Variants in HMCN1 observed in about 807,000 individuals in gnomAD.
The protein encoded by HMCN1 is hemicentin 1, also known as hemicentin-1.
In HMCN1, 321 loss-of-function variants were observed where a neutral mutation model predicts 625.9. The ratio of observed to expected loss-of-function variants is 0.51; its 90% CI spans 0.47 to 0.56. The LOEUF is 0.56. Among genes scored for constraint, HMCN1 ranks in the 20% least tolerant of loss-of-function variants. The probability of loss-of-function intolerance (pLI) is 0.00; values close to 1 mark genes in which losing one functional copy is unlikely to be tolerated. For missense variants in HMCN1, 6,588 were observed against 6,887.3 expected, an observed-to-expected ratio of 0.96 and a Z score of 1.54; for synonymous variants, 2,425 against 2,417.6, an observed-to-expected ratio of 1.00 and a Z score of -0.09.
intron 4 of HMCN1, among the ~76,000 whole-genome samples, chr1:185,904,938 G>A (rs1666015298): frequency 6.6e-6 from 1 of 151,752 alleles, no homozygotes; most frequent in Admixed American, 6.6e-5. Flanking sequence ...TCTATCCAGT[G>A]TGACTGAGAA....
At chr1:186,106,127 G>A (rs1660595902) in intron 69 of HMCN1, among the ~76,000 whole-genome samples, 2 of 152,162 alleles carry the variant, frequency 1.3e-5, no homozygotes, top group African/African-American at 4.8e-5. Flanking sequence ...TTCTGGGAAT[G>A]TTCAAGTAGT....
At chr1:186,048,639 G>C in intron 41 of HMCN1, 104 bp from the exon 42 acceptor site, 1 of 750,204 alleles carries the variant, frequency 1.3e-6, no homozygotes, top group Non-Finnish European at 2.3e-6. Context: ...TTATATGTAT[G>C]TGAATCTTCA....
intron 1 of HMCN1, among the ~76,000 whole-genome samples, chr1:185,832,705 G>A (rs1328392569): frequency 6.6e-6 from 1 of 152,090 alleles, no homozygotes; most frequent in African/African-American, 2.4e-5. Flanking sequence ...ACTTTAGAGG[G>A]AAGAAGGCTT....
intron 15 of HMCN1, among the ~76,000 whole-genome samples, chr1:185,977,210 C>T (rs563640518): frequency 2.4e-4 from 37 of 151,988 alleles, no homozygotes; most frequent in African/African-American, 8.2e-4. Flanking sequence ...TACTTTGATT[C>T]GTATTATTTA....
chr1:186,065,341 T>A lies in HMCN1; in HGVS notation c.7617T>A (p.Asn2539Lys), dbSNP rs767702278. 26 of 1,612,434 alleles carry A rather than the reference T, an allele frequency of 1.6e-5. No individual in the cohort carries two copies. Among genetic ancestry groups the A allele is most frequent in the Non-Finnish European group, 2.1e-5 (25 of 1,179,620 alleles). Residue 2539 changes from asparagine to lysine, a missense_variant, in exon 49 of 107, where the codon AAT (asparagine) becomes AAA (lysine). Asn to Lys is a moderately conservative substitution (Grantham distance 94). Transcript: ENST00000271588. ...GTGGCCGTTTTCTTCAAATTACCAA[T>A]GTCCAGGTGCCACACACTGGAAGAT... The part of the protein sequence containing the change: ...ISGGRFLQIT[N>K]VQVPHTGRYT...
intron 97 of HMCN1, among the ~76,000 whole-genome samples, chr1:186,161,017 G>A (rs1159530455): frequency 6.6e-6 from 1 of 152,134 alleles, no homozygotes; most frequent in East Asian, 1.9e-4. Flanking sequence ...TGTTTACAGG[G>A]GGTGTTAAAG....
chr1:186,033,093 C>CA (rs1247418966), intron 36 of HMCN1, among the ~76,000 whole-genome samples: 2 of 151,696 alleles, frequency 1.3e-5, no homozygotes, highest in Admixed American at 6.6e-5. Context: ...CACACACACA[C>CA]ACCATGGAAT....
chr1:185,941,102 G>A (rs149833933), intron 11 of HMCN1, among the ~76,000 whole-genome samples: 7,028 of 152,106 alleles, frequency 0.046, 213 homozygotes, highest in Middle Eastern at 0.12. Context: ...TGATCTGCCC[G>A]CCTCGGCCTC....
In HMCN1 at chr1:186,096,462, T is replaced by C. The variant is rs571982132; in HGVS notation, c.10573+941T>C. 4.6e-5 allele frequency among the ~76,000 whole-genome samples: 7 copies of C among 152,232 alleles called. No individual in the cohort carries two copies. In the East Asian group the frequency reaches 1.4e-3, roughly 29 times the overall value. The stretch of plus-strand genomic sequence containing the variant: ...CGAACTAGTTACTTTCCAGGTGGAT[T>C]AAAGGGAGTTTCTTCTGTAGAGGGA... On this transcript the variant is annotated intron_variant, in intron 68 of 106. Transcript: ENST00000271588.
Position 186,001,683 on chromosome 1 carries a change from C to T in HMCN1, c.4290C>T (p.Ser1430=). 1.2e-6 allele frequency: 2 copies of T among 1,612,714 alleles called. No individual in the cohort carries two copies. Among genetic ancestry groups the T allele is most frequent in the Non-Finnish European group, 8.5e-7 (1 of 1,179,022 alleles). The change falls in exon 28 of 107, where the codon TCC becomes TCT. Residue 1430 remains serine (S), a synonymous_variant. Transcript: ENST00000271588. ...CTCCAGAGGATGCAGGAAGATATTCCTGCAAAGCAATTAATATTGCAGGCA... is the reference window on the plus strand; with the variant it reads ...CTCCAGAGGATGCAGGAAGATATTCTTGCAAAGCAATTAATATTGCAGGCA... ...RATPEDAGRY[S]CKAINIAGTS... is the part of the protein sequence containing the mutation.
chr1:185,914,905 A>C (rs962169103), intron 6 of HMCN1, among the ~76,000 whole-genome samples: 3 of 152,038 alleles, frequency 2.0e-5, no homozygotes, highest in African/African-American at 7.2e-5. Context: ...CTATATAAAT[A>C]TTTATGAATA....
At chr1:185,966,041 A>T in intron 14 of HMCN1, 126 bp downstream of exon 14, 1 of 703,876 alleles carries the variant, frequency 1.4e-6, no homozygotes. Context: ...TTATGATCTC[A>T]CTGGAGACAA....
intron 64 of HMCN1, 111 bp from the exon 65 acceptor site, chr1:186,093,023 G>T: frequency 7.1e-7 from 1 of 1,409,224 alleles, no homozygotes; most frequent in Non-Finnish European, 1.0e-6. Context: ...AATTTCAGTT[G>T]GTTGCTTGAA....
intron 24 of HMCN1, among the ~76,000 whole-genome samples, chr1:185,996,075 A>C (rs934757145): frequency 1.2e-4 from 18 of 152,146 alleles, no homozygotes; most frequent in Admixed American, 1.0e-3. Flanking sequence ...TTACATATTC[A>C]TGTTTATAGT....
In HMCN1 at chr1:185,734,431, C is replaced by A; in HGVS notation, c.-349C>A. 1 of 246,490 alleles carries A rather than the reference C, an allele frequency of 4.1e-6. No individual in the cohort carries two copies. Among genetic ancestry groups the A allele is most frequent in the Non-Finnish European group, 7.7e-6 (1 of 129,642 alleles). The allele number at this position is 246,490 out of a possible 1,614,324, so 15.3% of individuals were successfully genotyped here. On this transcript the variant is annotated 5_prime_UTR_variant, in exon 1 of 107. Transcript: ENST00000271588. ...CGGAGAGCAGCGGCGGCGGCGAGGGCAGCGGGATTCGGGCCGCGGCGCCGC... is the reference window on the plus strand; with the variant it reads ...CGGAGAGCAGCGGCGGCGGCGAGGGAAGCGGGATTCGGGCCGCGGCGCCGC...
rs868024432 is a variant in HMCN1, at chr1:185,962,638, T to C, written c.1949T>C (p.Met650Thr). The C allele has an allele frequency of 1.0e-5, 16 of 1,578,136 alleles. No homozygotes were observed. The African/African-American group carries it at 1.2e-4, about 12-fold the overall frequency. Residue 650 changes from methionine (M) to threonine (T), a missense_variant, in exon 12 of 107, where the codon ATG becomes ACG. This residue lies in a region of HMCN1 where 4,628 missense variants were observed against 4,853.1 expected (regional missense o/e 0.95). Transcript: ENST00000271588. ...KPKIAWTVND[M>T]FIVGSHRYRM... ...AAGATTGCCTGGACCGTTAACGATA[T>C]GTTTATCGTGGGTTCACACAGGTAC...
intron 2 of HMCN1, among the ~76,000 whole-genome samples, chr1:185,859,961 G>A (rs1198609732): frequency 6.6e-6 from 1 of 152,042 alleles, no homozygotes; most frequent in African/African-American, 2.4e-5. Flanking sequence ...GTGAGCCACT[G>A]CACCCAGCCT....
Position 186,016,222 on chromosome 1 carries a change from A to T in HMCN1, c.5174A>T (p.Tyr1725Phe), listed in dbSNP as rs1258528246. The T allele has an allele frequency of 6.2e-7, 1 of 1,612,882 alleles. No individual in the cohort carries two copies. The highest frequency in any genetic ancestry group is 1.1e-5 in the South Asian group (1 of 91,028). The change falls in exon 32 of 107, where the codon TAT (tyrosine) becomes TTT (phenylalanine). Residue 1725 changes from tyrosine to phenylalanine, a missense_variant. Tyr to Phe is a conservative substitution (Grantham distance 22). This residue lies in a region of HMCN1 where 4,628 missense variants were observed against 4,853.1 expected (regional missense o/e 0.95). Transcript: ENST00000271588. ...TSVAGEKEIK[Y>F]EVDVLVPPAI... The stretch of plus-strand genomic sequence containing the variant: ...GTGGCAGGAGAAAAGGAAATCAAAT[A>T]TGAAGTTGATGTCTTGGGTAAATAA...
rs529078768 is a variant in HMCN1 at position 186,061,778 on chromosome 1, G to A, written c.7313-73G>A. 8.6e-6 allele frequency: 8 copies of A among 928,740 alleles called. No individual in the cohort carries two copies. In the African/African-American group the frequency reaches 9.9e-5, roughly 11 times the overall value. 57.5% of individuals were successfully genotyped at this position (928,740 alleles called of 1,614,324 possible). The stretch of plus-strand genomic sequence containing the variant: ...CTGATTAAATTTTTACCGAAATTGA[G>A]CATCACTTGGATGGCTTATAAAGTT... On this transcript the variant is annotated intron_variant, in intron 46 of 106. Transcript: ENST00000271588.
Sources: allele counts gnomAD v4.1 joint callset (sites outside exome capture counted in the v4.1 genomes callset), GRCh38; gene constraint gnomAD v4.1.1; regional missense constraint gnomAD v4.1.1; transcripts MANE v1.5; gene names NCBI Gene and HGNC (gene_info 2026-07-23, HGNC 2026-07-21).